The following CHL1 variants were observed in gnomAD, a reference collection of about 807,000 sequenced individuals.
CHL1 encodes the protein neural cell adhesion molecule L1-like protein.
CHL1 carries 96 observed loss-of-function variants against 141.9 expected under a neutral mutation model. The observed-to-expected ratio is 0.68, with a 90% CI of 0.57 to 0.80. The LOEUF (loss-of-function observed/expected upper bound fraction) is 0.80, where lower values mean the gene tolerates loss of function less well. Among genes scored for constraint, CHL1 ranks in the 30% least tolerant of loss-of-function variants. The probability of loss-of-function intolerance (pLI) is 0.00; values close to 1 mark genes in which losing one functional copy is unlikely to be tolerated. For synonymous variants in CHL1, 613 were observed against 502.2 expected, an observed-to-expected ratio of 1.22 and a Z score of -2.95; for missense variants, 1,820 against 1,457.2, an observed-to-expected ratio of 1.25 and a Z score of -4.05.
intron 1 of CHL1, among the ~76,000 whole-genome samples, chr3:227,185 C>T (rs1451415832): frequency 9.9e-5 from 15 of 152,164 alleles, no homozygotes. Flanking sequence ...ATCTATTAAA[C>T]CCAAGCAGAG....
intron 1 of CHL1, among the ~76,000 whole-genome samples, chr3:244,169 C>T (rs1186306985): frequency 6.6e-6 from 1 of 152,172 alleles, no homozygotes; most frequent in Non-Finnish European, 1.5e-5. Flanking sequence ...TTCAATGCTT[C>T]CTGACGAAGC....
chr3:353,701 T>C (rs1575143351), intron 10 of CHL1, among the ~76,000 whole-genome samples: 1 of 152,208 alleles, frequency 6.6e-6, no homozygotes. Flanking sequence ...TATTTTTTCA[T>C]TGTATACATA....
chr3:305,432 C>T (rs1346668903), intron 2 of CHL1, among the ~76,000 whole-genome samples: 9 of 151,984 alleles, frequency 5.9e-5, no homozygotes, highest in South Asian at 2.1e-4. Context: ...AGAACGCTTG[C>T]ATTACTGATA....
intron 24 of CHL1, 41 bp from the exon 25 acceptor site, chr3:398,186 A>T (rs763971816): frequency 7.4e-7 from 1 of 1,357,220 alleles, no homozygotes; most frequent in African/African-American, 1.5e-5. Context: ...CTGTTTTTCC[A>T]TGATTACAAT....
At chr3:197,689 G>T (rs1167379630) in intron 1 of CHL1, 2 of 412,964 alleles carry the variant, frequency 4.8e-6, no homozygotes, top group African/African-American at 2.1e-5. Context: ...CCGTGGGGTT[G>T]TGGGGTTGGG....
At chr3:391,611 A>G in intron 22 of CHL1, 64 bp from the exon 23 acceptor site, 1 of 1,164,558 alleles carries the variant, frequency 8.6e-7, no homozygotes, top group Non-Finnish European at 1.2e-6. Flanking sequence ...AATTTATAAT[A>G]TAATAAGGCT....
chr3:307,588 A>G (rs949424875), intron 2 of CHL1, among the ~76,000 whole-genome samples: 12 of 152,154 alleles, frequency 7.9e-5, no homozygotes, highest in African/African-American at 2.2e-4. Flanking sequence ...TGATTTTTTA[A>G]TATCCTATTC....
intron 2 of CHL1, among the ~76,000 whole-genome samples, chr3:298,764 A>G (rs1698441959): frequency 6.6e-6 from 1 of 152,186 alleles, no homozygotes; most frequent in Admixed American, 6.5e-5. Context: ...TTATTTGACC[A>G]TATTCCTCCT....
chr3:352,339 C>T (rs540981786), intron 10 of CHL1, among the ~76,000 whole-genome samples: 2 of 152,162 alleles, frequency 1.3e-5, no homozygotes, highest in South Asian at 4.1e-4. Context: ...GTTGTATGTT[C>T]TATAGGTACC....
chr3:365,111 A>G (rs1455034802), intron 14 of CHL1, among the ~76,000 whole-genome samples: 1 of 152,206 alleles, frequency 6.6e-6, no homozygotes, highest in African/African-American at 2.4e-5. Context: ...TACATAGCCA[A>G]TATCAGAGTA....
chr3:339,275 G>A (rs1047354213), intron 5 of CHL1, among the ~76,000 whole-genome samples: 3 of 152,172 alleles, frequency 2.0e-5, no homozygotes, highest in Admixed American at 6.5e-5. Flanking sequence ...TCTGCAAAAT[G>A]TTTTCCATAG....
At chr3:337,688 A>T (rs1303093796) in intron 5 of CHL1, among the ~76,000 whole-genome samples, 2 of 152,172 alleles carry the variant, frequency 1.3e-5, no homozygotes, top group Non-Finnish European at 2.9e-5. Flanking sequence ...CCTACAAAGG[A>T]CATGAACTCA....
At chr3:354,915 C>G in intron 11 of CHL1, 144 bp downstream of exon 11, 2 of 1,043,956 alleles carry the variant, frequency 1.9e-6, no homozygotes. Flanking sequence ...TTGTTTATTT[C>G]TAAGCAATTT....
At chr3:400,340 C>A (rs751583222) in intron 26 of CHL1, among the ~76,000 whole-genome samples, 8 of 152,140 alleles carry the variant, frequency 5.3e-5, no homozygotes, top group Non-Finnish European at 1.2e-4. Flanking sequence ...ATTAAGTTCA[C>A]AATGACTAAT....
rs536931545 is a variant in CHL1 at position 405,702 on chromosome 3, T to G, written c.3666T>G (p.Leu1222=). The change falls in exon 28 of 28, where the codon CTT becomes CTG. Residue 1222 remains leucine (L), a synonymous_variant. Coordinates refer to ENST00000256509, the MANE Select transcript of CHL1 (RefSeq NM_006614.4). ...SNGSSTATFP[L]RA ...GAAGTTCTACAGCAACTTTTCCCCT[T>G]CGGGCATAAACACAACATATGTAAG... 3 of 1,612,794 alleles carry G rather than the reference T, an allele frequency of 1.9e-6. No individual in the cohort carries two copies. Among genetic ancestry groups the G allele is most frequent in the Non-Finnish European group, 2.5e-6 (3 of 1,179,034 alleles).
intron 2 of CHL1, among the ~76,000 whole-genome samples, chr3:266,036 A>G (rs372088314): frequency 2.0e-5 from 3 of 152,342 alleles, no homozygotes; most frequent in East Asian, 1.9e-4. Flanking sequence ...TATTGGGGGC[A>G]GCTCTCAGAA....
At chr3:360,992 A>T (rs1232820743) in intron 12 of CHL1, among the ~76,000 whole-genome samples, 2 of 151,476 alleles carry the variant, frequency 1.3e-5, no homozygotes, top group Non-Finnish European at 2.9e-5. Context: ...AGTCTATCAT[A>T]GATGGACATT....
intron 1 of CHL1, among the ~76,000 whole-genome samples, chr3:211,372 G>A (rs1699891431): frequency 6.6e-6 from 1 of 152,184 alleles, no homozygotes; most frequent in South Asian, 2.1e-4. Context: ...TGTTATGAGA[G>A]CACAGAGTAG....
intron 2 of CHL1, among the ~76,000 whole-genome samples, chr3:251,835 C>A (rs569208566): frequency 6.6e-6 from 1 of 152,236 alleles, no homozygotes; most frequent in East Asian, 1.9e-4. Flanking sequence ...ATTTCTTCTA[C>A]TAAAAAGCCT....
Sources: allele counts gnomAD v4.1 joint callset (sites outside exome capture counted in the v4.1 genomes callset), GRCh38; gene constraint gnomAD v4.1.1; transcripts MANE v1.5; gene names NCBI Gene and HGNC (gene_info 2026-07-23, HGNC 2026-07-21).